Variants in ATAD1 observed in about 807,000 individuals in gnomAD.
The protein encoded by ATAD1 is outer mitochondrial transmembrane helix translocase.
In ATAD1, 18 loss-of-function variants were observed where a neutral mutation model predicts 42.7. The ratio of observed to expected loss-of-function variants is 0.42; its 90% CI spans 0.29 to 0.63. ATAD1 has a LOEUF of 0.63. Ranked by LOEUF, ATAD1 falls within the 20% of genes least tolerant of loss-of-function variation. The probability of loss-of-function intolerance (pLI) is 0.19; values close to 1 mark genes in which losing one functional copy is unlikely to be tolerated. For synonymous variants in ATAD1, 132 were observed against 143.1 expected (o/e 0.92, Z 0.55); for missense variants, 294 against 440.4 (o/e 0.67, Z 2.98).
chr10:87,814,654 C>A, intron 1 of ATAD1, 42 bp from the exon 2 acceptor site: 1 of 1,379,336 alleles, frequency 7.2e-7, no homozygotes. Context: ...AATAACTATA[C>A]TTATTAAAAT....
upstream of ATAD1, among the ~76,000 whole-genome samples, chr10:87,820,114 C>A (rs999332690): frequency 4.0e-5 from 6 of 151,836 alleles, no homozygotes; most frequent in African/African-American, 7.3e-5. Flanking sequence ...ACAACAACAA[C>A]AAAAAACAGA....
chr10:87,792,310 C>A lies in ATAD1; in HGVS notation c.261+347G>T, dbSNP rs141407241. ...GGAAGAGGAAAGCTATATAACCAGC[C>A]CCCAATAAATATGTTGGGGACTGAG... On this transcript the variant is annotated intron_variant, in intron 3 of 9. Transcript: ENST00000680024. Among the ~76,000 whole-genome samples, 11 of 152,250 alleles carry A rather than the reference C, an allele frequency of 7.2e-5. No individual in the cohort carries two copies. In the East Asian group the frequency reaches 2.1e-3, roughly 29 times the overall value.
chr10:87,788,894 A>C (rs537880445), intron 4 of ATAD1, among the ~76,000 whole-genome samples: 1 of 152,166 alleles, frequency 6.6e-6, no homozygotes, highest in East Asian at 1.9e-4. Flanking sequence ...GGCAGGGGGG[A>C]AATCACAATA....
intron 5 of ATAD1, among the ~76,000 whole-genome samples, chr10:87,778,477 G>C (rs1481125892): frequency 1.3e-5 from 2 of 152,134 alleles, no homozygotes; most frequent in Non-Finnish European, 2.9e-5. Context: ...CTTGGGGATA[G>C]AACCCAAGTC....
chr10:87,833,456 C>T (rs1469025334), intron 1 of ATAD1, among the ~76,000 whole-genome samples: 1 of 151,970 alleles, frequency 6.6e-6, no homozygotes, highest in African/African-American at 2.4e-5. Context: ...ATCTGTATGT[C>T]TTTTATCTTC....
At chr10:87,791,863 C>T (rs1177408552) in intron 3 of ATAD1, among the ~76,000 whole-genome samples, 6 of 152,120 alleles carry the variant, frequency 3.9e-5, no homozygotes, top group Admixed American at 6.5e-5. Flanking sequence ...CTAGATTATA[C>T]ATGAGGGAAC....
upstream of ATAD1, chr10:87,818,584 C>T (rs1224412151): frequency 6.6e-6 from 1 of 152,342 alleles, no homozygotes; most frequent in Non-Finnish European, 1.5e-5. Context: ...AATACATTCT[C>T]TCCTTCCCAC....
chr10:87,786,344 T>C (rs758179481), intron 4 of ATAD1, among the ~76,000 whole-genome samples: 6 of 151,910 alleles, frequency 3.9e-5, no homozygotes, highest in Non-Finnish European at 8.8e-5. Context: ...TACCACTTCA[T>C]AAACATATTC....
intron 5 of ATAD1, among the ~76,000 whole-genome samples, chr10:87,778,114 A>G (rs933492449): frequency 1.3e-5 from 2 of 150,910 alleles, no homozygotes; most frequent in African/African-American, 4.9e-5. Flanking sequence ...AAATAATTAC[A>G]TCCATCATTA....
chr10:87,798,740 G>A (rs1043079621), intron 2 of ATAD1, among the ~76,000 whole-genome samples: 9 of 151,160 alleles, frequency 6.0e-5, no homozygotes, highest in Non-Finnish European at 1.0e-4. Context: ...CACACTAGAC[G>A]TTTTCTTTCC....
intron 1 of ATAD1, among the ~76,000 whole-genome samples, chr10:87,831,793 G>A (rs771507683): frequency 1.2e-4 from 19 of 152,162 alleles, no homozygotes; most frequent in Admixed American, 3.3e-4. Flanking sequence ...AGAACCTGGT[G>A]CATTTTATTT....
chr10:87,797,929 C>T (rs1188282605), intron 2 of ATAD1, among the ~76,000 whole-genome samples: 1 of 152,126 alleles, frequency 6.6e-6, no homozygotes, highest in Non-Finnish European at 1.5e-5. Context: ...GTTTTCTCAG[C>T]TCCAAAGAGA....
rs1856754736 is a variant in ATAD1 at position 87,802,638 on chromosome 10, G to C, written c.163-9883C>G. On this transcript the variant is annotated intron_variant, in intron 2 of 9. Coordinates refer to ENST00000680024, the MANE Select transcript of ATAD1 (RefSeq NM_001321967.2). Reference sequence around the variant, plus strand: ...AGCCTGGGTGACAGAGCAAGACTATGTCACGAAAAAAAAAAAAAGCCTATG... The same window carrying C: ...AGCCTGGGTGACAGAGCAAGACTATCTCACGAAAAAAAAAAAAAGCCTATG... Among the ~76,000 whole-genome samples, 8 of 146,400 alleles carry C rather than the reference G, an allele frequency of 5.5e-5. No individual in the cohort carries two copies. In the South Asian group the frequency reaches 1.8e-3, roughly 32 times the overall value.
At chr10:87,784,204 C>CAT (rs1187352008) in intron 5 of ATAD1, among the ~76,000 whole-genome samples, 1 of 152,070 alleles carries the variant, frequency 6.6e-6, no homozygotes, top group African/African-American at 2.4e-5. Flanking sequence ...CCCGGGCAAA[C>CAT]ATATATACAT....
rs754358777 is a variant in ATAD1 at position 87,758,975 on chromosome 10, T to A, written c.832-2053A>T. Among the ~76,000 whole-genome samples, 186 of 152,266 alleles carry A rather than the reference T, an allele frequency of 1.2e-3. 2 individuals are homozygous for A. The highest frequency in any genetic ancestry group is 2.1e-3 in the Non-Finnish European group (145 of 68,000). Reference sequence around the variant, plus strand: ...TGTACATACATGTATATAATTTAGATCTTAGTCCTTTGATGGTTATAGGGT... The same window carrying A: ...TGTACATACATGTATATAATTTAGAACTTAGTCCTTTGATGGTTATAGGGT... On this transcript the variant is annotated intron_variant, in intron 8 of 9. Transcript: ENST00000680024.
chr10:87,803,669 T>C (rs772168154), intron 2 of ATAD1, among the ~76,000 whole-genome samples: 1 of 152,202 alleles, frequency 6.6e-6, no homozygotes, highest in Non-Finnish European at 1.5e-5. Context: ...ACCAAACTGC[T>C]CTGAACACCC....
At chr10:87,814,288 G>T in intron 2 of ATAD1, 150 bp downstream of exon 2, 1 of 586,146 alleles carries the variant, frequency 1.7e-6, no homozygotes, top group Non-Finnish European at 2.6e-6. Flanking sequence ...CTAGTACTTT[G>T]TAAGAGTAAT....
Position 87,762,601 on chromosome 10 carries a change from A to C in ATAD1, c.831+5072T>G, listed in dbSNP as rs1304929855. Among the ~76,000 whole-genome samples, 5 of 151,778 alleles carry C rather than the reference A, an allele frequency of 3.3e-5. No individual in the cohort carries two copies. The East Asian group carries it at 5.9e-4, about 18-fold the overall frequency. On this transcript the variant is annotated intron_variant, in intron 8 of 9. Transcript: ENST00000680024. ...TGCCTCAGCCTCCCAAGTAGCCAGG[A>C]TTACGGTTGCCAGCCACCATGTCCA...
At chr10:87,787,386 G>A (rs1855889487) in intron 4 of ATAD1, among the ~76,000 whole-genome samples, 1 of 152,188 alleles carries the variant, frequency 6.6e-6, no homozygotes, top group African/African-American at 2.4e-5. Flanking sequence ...TTGGGATGCT[G>A]AGGCAGGAGG....
Sources: gnomAD v4.1 joint callset for allele counts (sites outside exome capture counted in the v4.1 genomes callset) on GRCh38, gnomAD v4.1.1 for gene constraint, MANE v1.5 for transcripts, NCBI Gene and HGNC (gene_info 2026-07-23, HGNC 2026-07-21) for gene names.